Variants in ELN observed in about 807,000 individuals in gnomAD.
The protein encoded by ELN is elastin.
ELN carries 65 observed loss-of-function variants against 105.8 expected under a neutral mutation model. The observed-to-expected ratio is 0.61, with a 90% CI of 0.50 to 0.75. The LOEUF is 0.75. Among genes scored for constraint, ELN ranks in the 30% least tolerant of loss-of-function variants. The pLI is 0.00. For synonymous variants in ELN, 368 were observed against 389.2 expected (o/e 0.95, Z 0.64); for missense variants, 882 against 969.4 (o/e 0.91, Z 1.20).
At chr7:74,061,160 C>G (rs782224522) in intron 26 of ELN, 21 bp downstream of exon 26, 1 of 1,613,980 alleles carries the variant, frequency 6.2e-7, no homozygotes, top group Admixed American at 1.7e-5. Flanking sequence ...CCCACAACCA[C>G]TTGTGGCTCC....
chr7:74,064,696 CCT>C (rs1449503365), intron 29 of ELN, among the ~76,000 whole-genome samples: 1 of 152,186 alleles, frequency 6.6e-6, no homozygotes, highest in African/African-American at 2.4e-5. Context: ...CTCCCCCTCT[CCT>C]CTCTCTTTCA....
chr7:74,067,231 T>C (rs1798145874), intron 32 of ELN, among the ~76,000 whole-genome samples: 1 of 150,488 alleles, frequency 6.6e-6, no homozygotes, highest in South Asian at 2.1e-4. Context: ...CCATCCTGGC[T>C]GAAACGGTGA....
intron 18 of ELN, 137 bp downstream of exon 18, chr7:74,053,446 C>T (rs1794565833): frequency 4.7e-6 from 7 of 1,496,850 alleles, no homozygotes; most frequent in Non-Finnish European, 6.3e-6. Context: ...GACCACGTCT[C>T]ATCCCCTCAT....
chr7:74,036,430 G>A (rs1463848357), intron 2 of ELN, 125 bp from the exon 3 acceptor site: 2 of 1,270,560 alleles, frequency 1.6e-6, no homozygotes, highest in African/African-American at 1.5e-5. Context: ...GAGGCTTGCA[G>A]AGAGCAGGTC....
At position 74,046,206 on chromosome 7, in the gene ELN, C is replaced by A. The variant is rs1324050135; in HGVS notation, c.560C>A (p.Ala187Asp). The A allele has an allele frequency of 7.4e-6, 12 of 1,614,112 alleles. No homozygotes were observed. The highest frequency in any genetic ancestry group is 1.0e-5 in the Non-Finnish European group (12 of 1,180,036). ...ATTACAGGTGTAGGTGGAGCTTTTG[C>A]TGGAATCCCAGGTGAGGCAAGGCTG... ...PKAPGVGGAFAGIPGVGPFGG... is the reference protein window; with the variant it reads ...PKAPGVGGAFDGIPGVGPFGG... Residue 187 changes from alanine (A) to aspartate (D), a missense_variant, in exon 11 of 33, where the codon GCT becomes GAT. Coordinates refer to ENST00000252034, the MANE Select transcript of ELN (RefSeq NM_000501.4).
At chr7:74,045,326 A>T in intron 10 of ELN, 33 bp downstream of exon 10, 1 of 1,612,492 alleles carries the variant, frequency 6.2e-7, no homozygotes, top group Non-Finnish European at 8.5e-7. Context: ...GGCTGATGGC[A>T]GGGACTCTCC....
chr7:74,061,008 A>G lies in ELN; in HGVS notation c.1748-93A>G, dbSNP rs1252868809. 2.4e-5 allele frequency: 36 copies of G among 1,493,422 alleles called. 1 individual carries two copies. The highest frequency in any genetic ancestry group is 2.2e-4 in the African/African-American group (16 of 72,554). 92.5% of individuals were successfully genotyped at this position (1,493,422 alleles called of 1,614,324 possible). On this transcript the variant is annotated intron_variant, in intron 25 of 32. Coordinates refer to ENST00000252034, the MANE Select transcript of ELN (RefSeq NM_000501.4). ...GGCTTTGAGGAAGCAATAGAGGCCAAGGAAGTCAGGGAGGGCTCTCTAGAG... is the reference window on the plus strand; with the variant it reads ...GGCTTTGAGGAAGCAATAGAGGCCAGGGAAGTCAGGGAGGGCTCTCTAGAG...
At chr7:74,037,604 G>T in intron 3 of ELN, 103 bp from the exon 4 acceptor site, 1 of 1,526,434 alleles carries the variant, frequency 6.6e-7, no homozygotes, top group Non-Finnish European at 8.9e-7. Flanking sequence ...GACCTGGGGT[G>T]TGTGATTCCA....
chr7:74,046,838 C>T (rs947276152), intron 12 of ELN, 71 bp downstream of exon 12: 4 of 1,555,138 alleles, frequency 2.6e-6, no homozygotes, highest in Non-Finnish European at 3.5e-6. Context: ...AATCCCAGCA[C>T]TTTGGGAGGC....
At chr7:74,054,094 T>A (rs1794732436) in intron 18 of ELN, among the ~76,000 whole-genome samples, 1 of 151,714 alleles carries the variant, frequency 6.6e-6, no homozygotes, top group African/African-American at 2.4e-5. Context: ...AATGGATAGA[T>A]AGGCAGATGG....
chr7:74,045,929 G>A, intron 10 of ELN: 1 of 519,012 alleles, frequency 1.9e-6, no homozygotes. Context: ...CAGCTACTTG[G>A]GAGGCTGAGG....
At chr7:74,034,957 C>T (rs1468574218) in intron 1 of ELN, among the ~76,000 whole-genome samples, 2 of 152,042 alleles carry the variant, frequency 1.3e-5, no homozygotes, top group South Asian at 4.2e-4. Flanking sequence ...AGAAATTAGC[C>T]GTGCTTGGTG....
At chr7:74,053,688 A>G (rs915703313) in intron 18 of ELN, among the ~76,000 whole-genome samples, 23 of 148,504 alleles carry the variant, frequency 1.5e-4, no homozygotes, top group Admixed American at 1.0e-3. Context: ...GAATGGATGG[A>G]TAGATGGGTG....
At chr7:74,066,140 A>G in intron 31 of ELN, 143 bp downstream of exon 31, 1 of 1,222,102 alleles carries the variant, frequency 8.2e-7, no homozygotes, top group South Asian at 1.3e-5. Context: ...TTAGGATTGC[A>G]GATGTACTGG....
At chr7:74,046,592 G>A in intron 11 of ELN, 104 bp from the exon 12 acceptor site, 2 of 1,261,528 alleles carry the variant, frequency 1.6e-6, no homozygotes, top group Non-Finnish European at 2.3e-6. Context: ...GATGGTTTCT[G>A]GATGCTGTAG....
At chr7:74,052,889 GAA>G (rs1290058632) in intron 17 of ELN, 98 of 492,326 alleles carry the variant, frequency 2.0e-4, no homozygotes, top group South Asian at 3.3e-4. Context: ...GAGAGAGAGA[GAA>G]AGAAAGAAAG....
At chr7:74,028,290 TC>T in intron 1 of ELN, 21 bp downstream of exon 1, 1 of 1,599,410 alleles carries the variant, frequency 6.3e-7, no homozygotes, top group South Asian at 1.1e-5. Context: ...CTCGCCCCTG[TC>T]CCCAGCGCTG....
At chr7:74,068,575 C>T (rs547275919) in intron 32 of ELN, 82 bp from the exon 33 acceptor site, 14 of 1,564,312 alleles carry the variant, frequency 8.9e-6, no homozygotes, top group South Asian at 4.5e-5. Flanking sequence ...AGCCTCCATT[C>T]GAGTGGGTCA....
At chr7:74,067,925 T>C (rs1303203976) in intron 32 of ELN, among the ~76,000 whole-genome samples, 2 of 131,146 alleles carry the variant, frequency 1.5e-5, no homozygotes, top group African/African-American at 3.2e-5. Flanking sequence ...GGCAAGACGA[T>C]TGCGTCTCAA....
Sources: allele counts gnomAD v4.1 joint callset (sites outside exome capture counted in the v4.1 genomes callset), GRCh38; gene constraint gnomAD v4.1.1; transcripts MANE v1.5; gene names NCBI Gene and HGNC (gene_info 2026-07-23, HGNC 2026-07-21).